Variants in NME7 observed in about 807,000 individuals in gnomAD.
NME7 encodes the protein nucleoside diphosphate kinase 7.
In NME7, 41 loss-of-function variants were observed where a neutral mutation model predicts 49.1. The observed-to-expected ratio is 0.83, with a 90% confidence interval of 0.65 to 1.08. NME7 has a LOEUF of 1.08. NME7 is among the 50% of genes least tolerant of loss of function. The pLI is 0.00. For synonymous variants in NME7, 139 were observed against 150.6 expected (o/e 0.92, Z 0.56); for missense variants, 423 against 463.4 (o/e 0.91, Z 0.80).
chr1:169,161,144 T>C (rs1201039100), intron 11 of NME7, among the ~76,000 whole-genome samples: 2 of 152,180 alleles, frequency 1.3e-5, no homozygotes, highest in African/African-American at 4.8e-5. Context: ...CAAGATGAAG[T>C]TCAGTTGTCT....
At chr1:169,318,936 A>G (rs1651754791) in intron 3 of NME7, among the ~76,000 whole-genome samples, 1 of 152,134 alleles carries the variant, frequency 6.6e-6, no homozygotes, top group African/African-American at 2.4e-5. Flanking sequence ...AGACAGAATA[A>G]TAATTTTTAA....
chr1:169,255,539 A>C (rs1648889789), intron 7 of NME7, among the ~76,000 whole-genome samples: 1 of 125,506 alleles, frequency 8.0e-6, no homozygotes, highest in Admixed American at 7.7e-5. Flanking sequence ...TGTGTCTTTT[A>C]ATTGCAGAAT....
intron 10 of NME7, among the ~76,000 whole-genome samples, chr1:169,191,904 G>A (rs1324594924): frequency 6.6e-6 from 1 of 152,148 alleles, no homozygotes; most frequent in African/African-American, 2.4e-5. Context: ...GTGGTCTGTG[G>A]TCCAGCTGCA....
At chr1:169,326,845 T>C (rs1652078133) in intron 1 of NME7, among the ~76,000 whole-genome samples, 1 of 152,108 alleles carries the variant, frequency 6.6e-6, no homozygotes, top group Admixed American at 6.6e-5. Context: ...CACATGCACA[T>C]ACACACACCA....
At chr1:169,283,622 C>T (rs561669316) in intron 7 of NME7, among the ~76,000 whole-genome samples, 1 of 152,210 alleles carries the variant, frequency 6.6e-6, no homozygotes, top group South Asian at 2.1e-4. Flanking sequence ...CTTTCAAGAG[C>T]TCTCGTAAGG....
intron 11 of NME7, among the ~76,000 whole-genome samples, chr1:169,153,016 T>G (rs1358712): frequency 0.38 from 57,267 of 151,792 alleles, 11,268 homozygotes; most frequent in East Asian, 0.73. Flanking sequence ...AAACTGGCAC[T>G]TGAATTGAAA....
chr1:169,315,102 T>G (rs969435284), intron 3 of NME7, among the ~76,000 whole-genome samples: 1 of 151,938 alleles, frequency 6.6e-6, no homozygotes, highest in African/African-American at 2.4e-5. Context: ...ATTAGAAAAT[T>G]TTAATAAAAC....
In NME7 at chr1:169,256,383, C is replaced by T. The variant is rs923669641; in HGVS notation, c.755-18696G>A. 4.5e-4 allele frequency among the ~76,000 whole-genome samples: 60 copies of T among 134,338 alleles called. 15 individuals are homozygous for T. The highest frequency in any genetic ancestry group is 4.2e-4 in the Non-Finnish European group (24 of 57,042). The allele number at this position is 134,338 out of a possible 152,430, so 88.1% of individuals were successfully genotyped here. On this transcript the variant is annotated intron_variant, in intron 7 of 11. Coordinates refer to ENST00000367811, the MANE Select transcript of NME7 (RefSeq NM_013330.5). The stretch of plus-strand genomic sequence containing the variant: ...ACTCCTGAGGCTTCTGCGTTCTTCA[C>T]GTAGTTCTCGAGCCTTGGTTTTCAG...
intron 4 of NME7, among the ~76,000 whole-genome samples, chr1:169,309,017 T>C (rs1217143706): frequency 6.6e-6 from 1 of 152,214 alleles, no homozygotes; most frequent in Non-Finnish European, 1.5e-5. Flanking sequence ...TTTCCTCTAT[T>C]AATTTTATAC....
intron 10 of NME7, among the ~76,000 whole-genome samples, chr1:169,210,705 C>T (rs6704482): frequency 0.38 from 57,298 of 151,808 alleles, 11,514 homozygotes; most frequent in East Asian, 0.79. Context: ...TTGCCAGTTA[C>T]GTCATAATCA....
chr1:169,268,337 G>T (rs1216625035), intron 7 of NME7, among the ~76,000 whole-genome samples: 1 of 133,660 alleles, frequency 7.5e-6, no homozygotes, highest in Admixed American at 7.3e-5. Context: ...TATACCTGTT[G>T]GGGGAAGTGT....
chr1:169,211,755 T>G (rs777476962), intron 10 of NME7, among the ~76,000 whole-genome samples: 8 of 152,124 alleles, frequency 5.3e-5, no homozygotes, highest in Non-Finnish European at 8.8e-5. Flanking sequence ...TTTAAAAAAT[T>G]TAGTTAAAAA....
chr1:169,342,013 G>A (rs1652725647), intron 1 of NME7, among the ~76,000 whole-genome samples: 1 of 152,132 alleles, frequency 6.6e-6, no homozygotes, highest in Non-Finnish European at 1.5e-5. Flanking sequence ...AATGAGTTAA[G>A]GCTTTGGGGG....
At chr1:169,327,794 C>T (rs563660261) in intron 1 of NME7, among the ~76,000 whole-genome samples, 1 of 152,084 alleles carries the variant, frequency 6.6e-6, no homozygotes, top group Non-Finnish European at 1.5e-5. Context: ...AAATAAATCA[C>T]ACCACCACCT....
intron 7 of NME7, among the ~76,000 whole-genome samples, chr1:169,253,106 T>C (rs973597177): frequency 2.0e-5 from 3 of 152,262 alleles, no homozygotes; most frequent in Middle Eastern, 3.4e-3. Flanking sequence ...AAGAAAGGCA[T>C]TGGTAGCTTG....
intron 1 of NME7, among the ~76,000 whole-genome samples, chr1:169,348,411 C>T (rs979818011): frequency 2.0e-5 from 3 of 148,444 alleles, no homozygotes; most frequent in Admixed American, 2.0e-4. Flanking sequence ...CCAAAGATGA[C>T]CATTTGTTTC....
At chr1:169,229,457 C>T (rs988859962) in intron 10 of NME7, among the ~76,000 whole-genome samples, 2 of 152,186 alleles carry the variant, frequency 1.3e-5, no homozygotes, top group Non-Finnish European at 2.9e-5. Flanking sequence ...TGCTCTGTTG[C>T]TACACAATCC....
chr1:169,265,226 C>T (rs1041694947), intron 7 of NME7, among the ~76,000 whole-genome samples: 1 of 132,634 alleles, frequency 7.5e-6, no homozygotes, highest in Non-Finnish European at 1.8e-5. Context: ...AAATCAACCA[C>T]GGAATCAGAC....
chr1:169,350,444 A>C (rs1653128481), intron 1 of NME7, among the ~76,000 whole-genome samples: 1 of 151,998 alleles, frequency 6.6e-6, no homozygotes, highest in African/African-American at 2.4e-5. Context: ...TTCCCAGAAG[A>C]CTACAGCCTG....
Sources: allele counts gnomAD v4.1 joint callset (sites outside exome capture counted in the v4.1 genomes callset), GRCh38; gene constraint gnomAD v4.1.1; transcripts MANE v1.5; gene names NCBI Gene and HGNC (gene_info 2026-07-23, HGNC 2026-07-21).